HECW1: variants seen among roughly 807,000 people sequenced by gnomAD.
HECW1 encodes the protein E3 ubiquitin-protein ligase HECW1.
Under a neutral mutation model 182.3 loss-of-function variants are expected in HECW1, and 61 were observed. The observed-to-expected ratio is 0.33, with a 90% CI of 0.27 to 0.41. The LOEUF (loss-of-function observed/expected upper bound fraction) is 0.41, where lower values mean the gene tolerates loss of function less well. Among genes scored for constraint, HECW1 ranks in the 10% least tolerant of loss-of-function variants. The probability of loss-of-function intolerance (pLI) is 1.00; values close to 1 mark genes in which losing one functional copy is unlikely to be tolerated. For missense variants in HECW1, 1,739 were observed against 2,108.9 expected (o/e 0.82, Z 3.44); for synonymous variants, 859 against 832.6 (o/e 1.03, Z -0.55).
At chr7:43,259,419 A>G (rs1211938969) in intron 3 of HECW1, among the ~76,000 whole-genome samples, 1 of 151,856 alleles carries the variant, frequency 6.6e-6, no homozygotes, top group Non-Finnish European at 1.5e-5. Flanking sequence ...TATAATTTTT[A>G]GAGTTATAAA....
At chr7:43,154,212 T>C (rs1309745400) in intron 2 of HECW1, among the ~76,000 whole-genome samples, 2 of 152,182 alleles carry the variant, frequency 1.3e-5, no homozygotes, top group Non-Finnish European at 2.9e-5. Flanking sequence ...TTATTAATAA[T>C]TTCTAACATT....
In HECW1 at chr7:43,508,536, GGAAGGCGTATCAAAAT is replaced by G. The variant is rs1183024404; in HGVS notation, c.3866+409_3867-414del. On this transcript the variant is annotated intron_variant, in intron 23 of 29. Coordinates refer to ENST00000395891, the MANE Select transcript of HECW1 (RefSeq NM_015052.5). ...CAACCATGAAGGGCAAGCCCATGTA[GGAAGGCGTATCAAAAT>G]GAACTTGGAAGCCTTTTCAGTCCAC... Among the ~76,000 whole-genome samples the G allele has an allele frequency of 5.3e-5, 8 of 152,258 alleles. 1 individual carries two copies. Among genetic ancestry groups the G allele is most frequent in the African/African-American group, 1.7e-4 (7 of 41,550 alleles).
chr7:43,492,203 C>A lies in HECW1; in HGVS notation c.3340+23C>A, dbSNP rs754263869. 3 of 1,526,418 alleles carry A rather than the reference C, an allele frequency of 2.0e-6. No individual in the cohort carries two copies. In the African/African-American group the frequency reaches 4.2e-5, roughly 22 times the overall value. The allele number at this position is 1,526,418 out of a possible 1,614,324, so 94.6% of individuals were successfully genotyped here. A position where few individuals can be genotyped will look rare whatever the true frequency, so the allele number is the denominator to read the frequency against. On this transcript the variant is annotated intron_variant, in intron 18 of 29. Transcript: ENST00000395891. ...TGGGTATGTATCATGCTTGTTTGAG[C>A]CCCTGGCTCAAAGAATAGCAACACC...
chr7:43,552,235 G>A lies in HECW1; in HGVS notation c.4409G>A (p.Arg1470Lys). 1 of 1,613,126 alleles carries A rather than the reference G, an allele frequency of 6.2e-7. No individual in the cohort carries two copies. The highest frequency in any genetic ancestry group is 1.1e-5 in the South Asian group (1 of 91,074). The change falls in exon 28 of 30, where the codon AGG (arginine) becomes AAG (lysine). Residue 1470 changes from arginine (R) to lysine (K), a missense_variant. Arg to Lys is a conservative substitution (Grantham distance 26). Coordinates refer to ENST00000395891, the MANE Select transcript of HECW1 (RefSeq NM_015052.5). ...CCTGCATTTCAGGTTGTAGACTCGA[G>A]GCTGGTGTCCGTGTTTGATGCCAGG... is the stretch of plus-strand genomic sequence containing the variant. Reference protein sequence around the residue: ...VRGFYEVVDSRLVSVFDAREL... With the variant: ...VRGFYEVVDSKLVSVFDAREL...
intron 3 of HECW1, among the ~76,000 whole-genome samples, chr7:43,255,702 G>A (rs1800497559): frequency 1.3e-5 from 2 of 152,062 alleles, no homozygotes; most frequent in South Asian, 4.2e-4. Flanking sequence ...ACTGTGCCAG[G>A]TGCAGGAGAT....
intron 13 of HECW1, among the ~76,000 whole-genome samples, 185 bp downstream of exon 13, chr7:43,456,632 C>G (rs1563002944): frequency 6.6e-6 from 1 of 152,052 alleles, no homozygotes; most frequent in African/African-American, 2.4e-5. Flanking sequence ...AGGCGAGAGA[C>G]AAGTTAAGCT....
chr7:43,254,406 C>T (rs1428706675), intron 3 of HECW1, among the ~76,000 whole-genome samples: 2 of 152,118 alleles, frequency 1.3e-5, no homozygotes, highest in African/African-American at 2.4e-5. Context: ...TTCATGAATT[C>T]GTTCAGGTAA....
chr7:43,473,040 A>G (rs1039435845), intron 16 of HECW1, among the ~76,000 whole-genome samples: 2 of 152,210 alleles, frequency 1.3e-5, no homozygotes, highest in African/African-American at 4.8e-5. Context: ...TGTTTGGGTC[A>G]CAGGGACAGA....
chr7:43,433,933 A>T (rs2076629042), intron 8 of HECW1, among the ~76,000 whole-genome samples: 6 of 152,196 alleles, frequency 3.9e-5, no homozygotes, highest in Admixed American at 3.9e-4. Context: ...GATGCCCAGG[A>T]TTGGCTTTGT....
chr7:43,329,876 G>A (rs909082165), intron 5 of HECW1, among the ~76,000 whole-genome samples: 1 of 152,208 alleles, frequency 6.6e-6, no homozygotes, highest in Non-Finnish European at 1.5e-5. Context: ...CGTTTACCCA[G>A]GGTGGTTATT....
At chr7:43,178,707 A>G (rs1189315967) in intron 2 of HECW1, among the ~76,000 whole-genome samples, 3 of 152,216 alleles carry the variant, frequency 2.0e-5, no homozygotes, top group Non-Finnish European at 2.9e-5. Context: ...GGAAAGAAAC[A>G]TGTCCAAGGT....
At chr7:43,537,481 G>T (rs1029650318) in intron 24 of HECW1, among the ~76,000 whole-genome samples, 17 of 152,236 alleles carry the variant, frequency 1.1e-4, no homozygotes, top group Admixed American at 2.0e-4. Flanking sequence ...TTCCCCACAG[G>T]CAATTGTTTA....
At chr7:43,178,567 C>T (rs1255879094) in intron 2 of HECW1, among the ~76,000 whole-genome samples, 3 of 152,208 alleles carry the variant, frequency 2.0e-5, no homozygotes, top group Non-Finnish European at 4.4e-5. Flanking sequence ...TGATAGCTCA[C>T]ATGTGTTGAG....
intron 24 of HECW1, among the ~76,000 whole-genome samples, chr7:43,516,588 A>G (rs2080161874): frequency 6.6e-6 from 1 of 152,196 alleles, no homozygotes; most frequent in South Asian, 2.1e-4. Flanking sequence ...GAGATGCCCT[A>G]AAAGTCTGAA....
chr7:43,139,402 C>T (rs1215097489), intron 2 of HECW1, among the ~76,000 whole-genome samples: 1 of 152,332 alleles, frequency 6.6e-6, no homozygotes, highest in Non-Finnish European at 1.5e-5. Flanking sequence ...AGACCCCCTG[C>T]ATAGAGGATG....
intron 6 of HECW1, among the ~76,000 whole-genome samples, chr7:43,376,476 T>G (rs552866428): frequency 2.0e-5 from 3 of 152,140 alleles, no homozygotes; most frequent in Non-Finnish European, 4.4e-5. Context: ...TGCCCGTGAG[T>G]TGGCAAAAGT....
At chr7:43,469,791 A>G (rs981698631) in intron 16 of HECW1, among the ~76,000 whole-genome samples, 58 of 152,338 alleles carry the variant, frequency 3.8e-4, no homozygotes, top group Middle Eastern at 3.4e-3. Context: ...GTAACCTTCT[A>G]TGAACTTTAC....
At chr7:43,534,085 C>T (rs187911929) in intron 24 of HECW1, among the ~76,000 whole-genome samples, 1 of 152,258 alleles carries the variant, frequency 6.6e-6, no homozygotes, top group East Asian at 1.9e-4. Context: ...TGGCATATTG[C>T]CTGGGTGCTG....
chr7:43,449,189 C>T (rs911804017), intron 11 of HECW1, among the ~76,000 whole-genome samples: 1 of 152,140 alleles, frequency 6.6e-6, no homozygotes, highest in Admixed American at 6.5e-5. Flanking sequence ...ACAACTATAC[C>T]ATGGTTTTGT....
Sources: gnomAD v4.1 joint callset for allele counts (sites outside exome capture counted in the v4.1 genomes callset) on GRCh38, gnomAD v4.1.1 for gene constraint, MANE v1.5 for transcripts, NCBI Gene and HGNC (gene_info 2026-07-23, HGNC 2026-07-21) for gene names.